The following ZMAT4 variants were observed in gnomAD, a reference collection of about 807,000 sequenced individuals.
ZMAT4 encodes the protein zinc finger matrin-type protein 4.
A neutral mutation model predicts 28.7 loss-of-function variants in ZMAT4; 17 were observed. That is an observed-to-expected ratio of 0.59 (90% confidence interval 0.41 to 0.89). ZMAT4 has a LOEUF of 0.89. Among genes scored for constraint, ZMAT4 ranks in the 40% least tolerant of loss-of-function variants. The pLI is 0.00. For missense variants in ZMAT4, 240 were observed against 283.8 expected (o/e 0.85, Z 1.11); for synonymous variants, 117 against 109.2 (o/e 1.07, Z -0.44).
chr8:40,689,910 A>G (rs747740699), intron 4 of ZMAT4, among the ~76,000 whole-genome samples: 3 of 152,124 alleles, frequency 2.0e-5, no homozygotes, highest in Non-Finnish European at 4.4e-5. Context: ...TTATACCACT[A>G]TGTGATCACT....
At chr8:40,731,130 A>G (rs1585956483) in intron 3 of ZMAT4, among the ~76,000 whole-genome samples, 1 of 146,716 alleles carries the variant, frequency 6.8e-6, no homozygotes, top group East Asian at 1.9e-4. Context: ...CTGGGGGGAC[A>G]CTATTGTTGC....
At chr8:40,689,368 C>T (rs1343128042) in intron 4 of ZMAT4, among the ~76,000 whole-genome samples, 1 of 152,210 alleles carries the variant, frequency 6.6e-6, no homozygotes, top group Non-Finnish European at 1.5e-5. Flanking sequence ...CACTAACCTT[C>T]AGGGTCAGAG....
At chr8:40,540,085 T>C (rs1321842045) in intron 6 of ZMAT4, among the ~76,000 whole-genome samples, 1 of 152,120 alleles carries the variant, frequency 6.6e-6, no homozygotes, top group Non-Finnish European at 1.5e-5. Context: ...CTCAGTTGAG[T>C]GAACACATCA....
At position 40,554,629 on chromosome 8, in the gene ZMAT4, T is replaced by C. The variant is rs577893729; in HGVS notation, c.675-22391A>G. On this transcript the variant is annotated intron_variant, in intron 6 of 6. Transcript: ENST00000297737. ...AAAATATTTAAAATATCCGTATTGGTCTTTCATCAACTACTTCTCAAATAC... is the reference window on the plus strand; with the variant it reads ...AAAATATTTAAAATATCCGTATTGGCCTTTCATCAACTACTTCTCAAATAC... Among the ~76,000 whole-genome samples the C allele has an allele frequency of 4.6e-5, 7 of 152,238 alleles. No homozygotes were observed. In the East Asian group the frequency reaches 1.4e-3, roughly 29 times the overall value.
At chr8:40,732,871 G>C (rs1205762069) in intron 3 of ZMAT4, among the ~76,000 whole-genome samples, 3 of 140,874 alleles carry the variant, frequency 2.1e-5, no homozygotes, top group African/African-American at 8.1e-5. Context: ...TTGAGTTGGG[G>C]GTTTAGCACT....
chr8:40,648,506 T>A (rs1034872858), intron 5 of ZMAT4, among the ~76,000 whole-genome samples: 1 of 150,738 alleles, frequency 6.6e-6, no homozygotes, highest in Admixed American at 6.6e-5. Context: ...CGCTGCAGGA[T>A]ATTGTCCAGG....
chr8:40,693,519 G>A (rs1211781453), intron 4 of ZMAT4, among the ~76,000 whole-genome samples: 1 of 152,120 alleles, frequency 6.6e-6, no homozygotes, highest in Non-Finnish European at 1.5e-5. Flanking sequence ...CCTAGCACCC[G>A]TTGTGAGTTT....
intron 5 of ZMAT4, among the ~76,000 whole-genome samples, chr8:40,610,224 G>C (rs1389357073): frequency 6.6e-6 from 1 of 152,178 alleles, no homozygotes; most frequent in Non-Finnish European, 1.5e-5. Context: ...CCAGGAAATA[G>C]ATAAATCATT....
chr8:40,829,461 C>T (rs913863137), intron 1 of ZMAT4, among the ~76,000 whole-genome samples: 1 of 152,146 alleles, frequency 6.6e-6, no homozygotes, highest in African/African-American at 2.4e-5. Context: ...CCTACAGATC[C>T]ATGTGTATAG....
intron 5 of ZMAT4, among the ~76,000 whole-genome samples, chr8:40,617,316 G>T (rs989504375): frequency 6.6e-6 from 1 of 152,138 alleles, no homozygotes; most frequent in Non-Finnish European, 1.5e-5. Flanking sequence ...ACACATTTCG[G>T]GGTCCCTCCA....
At position 40,749,533 on chromosome 8, in the gene ZMAT4, G is replaced by A. The variant is rs117146020; in HGVS notation, c.192+18108C>T. Among the ~76,000 whole-genome samples, 595 of 152,218 alleles carry A rather than the reference G, an allele frequency of 3.9e-3. 2 individuals are homozygous for A. Among genetic ancestry groups the A allele is most frequent in the Non-Finnish European group, 5.0e-3 (341 of 68,020 alleles). ...GACCCCTCAGATTTTCAACAAGTCTGCAAGCCACCAACTCTCAGCAGGCAC... is the reference window on the plus strand; with the variant it reads ...GACCCCTCAGATTTTCAACAAGTCTACAAGCCACCAACTCTCAGCAGGCAC... On this transcript the variant is annotated intron_variant, in intron 3 of 6. Transcript: ENST00000297737.
intron 3 of ZMAT4, among the ~76,000 whole-genome samples, chr8:40,711,462 C>G (rs908013247): frequency 6.6e-6 from 1 of 152,104 alleles, no homozygotes; most frequent in South Asian, 2.1e-4. Context: ...AATGTATCAA[C>G]CCCAAATCCA....
At chr8:40,575,729 T>C (rs1804242542) in intron 6 of ZMAT4, among the ~76,000 whole-genome samples, 3 of 151,856 alleles carry the variant, frequency 2.0e-5, no homozygotes, top group African/African-American at 7.3e-5. Flanking sequence ...TGCACAGTTA[T>C]CAATGTAGAG....
intron 1 of ZMAT4, among the ~76,000 whole-genome samples, chr8:40,871,684 AC>A (rs1817862457): frequency 6.6e-6 from 1 of 152,094 alleles, no homozygotes; most frequent in Admixed American, 6.6e-5. Flanking sequence ...AAGACAACCC[AC>A]CCGCTAGCTA....
chr8:40,679,495 C>G (rs550527505), intron 4 of ZMAT4, among the ~76,000 whole-genome samples: 4 of 152,202 alleles, frequency 2.6e-5, no homozygotes, highest in African/African-American at 9.6e-5. Flanking sequence ...GAAGAAAACA[C>G]GTCCTTCTTC....
intron 1 of ZMAT4, among the ~76,000 whole-genome samples, chr8:40,839,174 A>T (rs1403981699): frequency 6.6e-6 from 1 of 152,198 alleles, no homozygotes; most frequent in African/African-American, 2.4e-5. Context: ...CTTTGGAGAA[A>T]CAAGCCCTCT....
intron 1 of ZMAT4, among the ~76,000 whole-genome samples, chr8:40,859,601 A>G (rs1289779458): frequency 6.6e-6 from 1 of 152,236 alleles, no homozygotes; most frequent in Non-Finnish European, 1.5e-5. Context: ...CAGAAGCTCC[A>G]GGTAAGAGGC....
intron 2 of ZMAT4, among the ~76,000 whole-genome samples, chr8:40,817,637 A>G (rs1815596944): frequency 6.6e-6 from 1 of 152,148 alleles, no homozygotes; most frequent in African/African-American, 2.4e-5. Context: ...AGTGTAGGGG[A>G]AAGCAGTAGT....
At chr8:40,801,352 AT>A (rs374233118) in intron 2 of ZMAT4, among the ~76,000 whole-genome samples, 27,181 of 71,786 alleles carry the variant, frequency 0.38, 2,768 homozygotes, top group Admixed American at 0.5. Flanking sequence ...AAAAAAAAAA[AT>A]ATATATATAT....
Sources: gnomAD v4.1 joint callset for allele counts (sites outside exome capture counted in the v4.1 genomes callset) on GRCh38, gnomAD v4.1.1 for gene constraint, MANE v1.5 for transcripts, NCBI Gene and HGNC (gene_info 2026-07-23, HGNC 2026-07-21) for gene names.